Variants in PTPRD observed in about 807,000 individuals in gnomAD.
The protein encoded by PTPRD is protein tyrosine phosphatase receptor type D.
Under a neutral mutation model 214.5 loss-of-function variants are expected in PTPRD, and 34 were observed. That is an observed-to-expected ratio of 0.16 (90% CI 0.12 to 0.21). The LOEUF is 0.21. PTPRD is among the 10% of genes least tolerant of loss of function. PTPRD has a pLI of 1.00. For synonymous variants in PTPRD, 1,128 were observed against 845.7 expected (o/e 1.33, Z -5.79); for missense variants, 2,545 against 2,398.7 (o/e 1.06, Z -1.27).
chr9:9,249,421 A>C (rs1262970561), intron 9 of PTPRD, among the ~76,000 whole-genome samples: 2 of 152,072 alleles, frequency 1.3e-5, no homozygotes, highest in Non-Finnish European at 2.9e-5. Flanking sequence ...GAACACAGCA[A>C]GATTGTTCTT....
chr9:9,898,221 A>C (rs1237782312), intron 5 of PTPRD, among the ~76,000 whole-genome samples: 1 of 152,134 alleles, frequency 6.6e-6, no homozygotes, highest in Non-Finnish European at 1.5e-5. Flanking sequence ...ATAGAGGTCT[A>C]TATCAATGCG....
chr9:10,368,704 G>C (rs1296169986), intron 2 of PTPRD, among the ~76,000 whole-genome samples: 1 of 152,012 alleles, frequency 6.6e-6, no homozygotes, highest in Non-Finnish European at 1.5e-5. Flanking sequence ...TTATGATCAA[G>C]TCTAGCATAA....
chr9:9,831,485 T>C (rs1436742870), intron 5 of PTPRD, among the ~76,000 whole-genome samples: 2 of 151,956 alleles, frequency 1.3e-5, no homozygotes, highest in Non-Finnish European at 2.9e-5. Context: ...AAGTTTCTGC[T>C]CTCCCTTAAC....
intron 2 of PTPRD, among the ~76,000 whole-genome samples, chr9:10,407,178 G>C (rs944408119): frequency 1.3e-5 from 2 of 151,550 alleles, no homozygotes; most frequent in Admixed American, 6.6e-5. Context: ...GAAAGAGTCT[G>C]AAGGTTTAAT....
intron 12 of PTPRD, among the ~76,000 whole-genome samples, chr9:8,704,711 G>A (rs1297052814): frequency 2.0e-5 from 3 of 151,430 alleles, no homozygotes; most frequent in Admixed American, 6.6e-5. Context: ...AGCGGATCAC[G>A]AGGTCAGGAG....
At chr9:9,064,007 T>A (rs749822229) in intron 10 of PTPRD, among the ~76,000 whole-genome samples, 8 of 152,204 alleles carry the variant, frequency 5.3e-5, no homozygotes, top group Non-Finnish European at 1.0e-4. Flanking sequence ...TTTTAATATA[T>A]ACTCAAGTTA....
At chr9:9,361,688 T>C (rs925657361) in intron 9 of PTPRD, among the ~76,000 whole-genome samples, 3 of 151,122 alleles carry the variant, frequency 2.0e-5, no homozygotes. Context: ...GAAAACACAA[T>C]ATATTATTAT....
At chr9:8,934,478 A>AAATAT (rs2098979944) in intron 11 of PTPRD, among the ~76,000 whole-genome samples, 2 of 8,472 alleles carry the variant, frequency 2.4e-4, no homozygotes, top group Non-Finnish European at 4.5e-4. Context: ...TATATATATA[A>AAATAT]ATATATATAT....
intron 3 of PTPRD, among the ~76,000 whole-genome samples, chr9:10,188,302 G>A (rs551909587): frequency 6.6e-6 from 1 of 152,098 alleles, no homozygotes; most frequent in South Asian, 2.1e-4. Context: ...GCATGGTAAT[G>A]GCATGCCTTA....
intron 11 of PTPRD, among the ~76,000 whole-genome samples, chr9:8,760,292 C>G (rs771904843): frequency 1.4e-4 from 21 of 152,146 alleles, no homozygotes; most frequent in Non-Finnish European, 2.5e-4. Context: ...TTTCAATCAT[C>G]AGCTTTTTTC....
rs377722724 is a variant in PTPRD, at chr9:9,593,117, G to GAAGGA, written c.-286-18341_-286-18337dup. Among the ~76,000 whole-genome samples, 37 of 144,570 alleles carry GAAGGA rather than the reference G, an allele frequency of 2.6e-4. 1 individual carries two copies. Among genetic ancestry groups the GAAGGA allele is most frequent in the African/African-American group, 5.4e-4 (21 of 39,120 alleles). The allele number at this position is 144,570 out of a possible 152,430, so 94.8% of individuals were successfully genotyped here. ...GAAAGACAGAGAGAGAGAAAGGAAGGAAGGAAAGGAAAGGAAAGGAAAGGG... is the reference window on the plus strand; with the variant it reads ...GAAAGACAGAGAGAGAGAAAGGAAGGAAGGAAAGGAAAGGAAAGGAAAGGAAAGGG... On this transcript the variant is annotated intron_variant, in intron 7 of 45. Coordinates refer to ENST00000381196, the MANE Select transcript of PTPRD (RefSeq NM_002839.4).
intron 9 of PTPRD, among the ~76,000 whole-genome samples, chr9:9,313,355 G>C (rs919637284): frequency 2.0e-5 from 3 of 152,124 alleles, no homozygotes; most frequent in Non-Finnish European, 2.9e-5. Context: ...AACTTTATTA[G>C]TTTGTGGTAC....
intron 8 of PTPRD, among the ~76,000 whole-genome samples, chr9:9,542,282 T>C (rs1244924409): frequency 1.3e-5 from 2 of 151,654 alleles, no homozygotes; most frequent in African/African-American, 2.4e-5. Context: ...ACAGGTATCT[T>C]AAAAAATAAA....
chr9:9,092,850 T>C (rs2154433068), intron 10 of PTPRD, among the ~76,000 whole-genome samples: 1 of 152,204 alleles, frequency 6.6e-6, no homozygotes, highest in East Asian at 1.9e-4. Context: ...TTTCATCATG[T>C]GTAAATGTTC....
intron 3 of PTPRD, among the ~76,000 whole-genome samples, chr9:10,048,931 T>C (rs1253721711): frequency 1.3e-5 from 2 of 152,038 alleles, no homozygotes; most frequent in Non-Finnish European, 2.9e-5. Context: ...TACGCAGGAT[T>C]AGGATGCCTG....
At chr9:9,335,737 A>G (rs937447955) in intron 9 of PTPRD, among the ~76,000 whole-genome samples, 7 of 152,108 alleles carry the variant, frequency 4.6e-5, no homozygotes, top group African/African-American at 1.7e-4. Context: ...AATGAATTAT[A>G]CCTTGGAGAA....
chr9:8,516,577 CA>C (rs2097784339), intron 21 of PTPRD, among the ~76,000 whole-genome samples: 1 of 152,032 alleles, frequency 6.6e-6, no homozygotes, highest in Non-Finnish European at 1.5e-5. Context: ...ATGATAGGTA[CA>C]TTATCTAGTA....
intron 12 of PTPRD, among the ~76,000 whole-genome samples, chr9:8,683,438 A>G (rs1273639561): frequency 6.6e-6 from 1 of 152,068 alleles, no homozygotes; most frequent in African/African-American, 2.4e-5. Context: ...AAAGGAAATT[A>G]CAGAGGACAT....
At chr9:9,048,134 C>T (rs2099676835) in intron 10 of PTPRD, among the ~76,000 whole-genome samples, 1 of 152,026 alleles carries the variant, frequency 6.6e-6, no homozygotes, top group South Asian at 2.1e-4. Flanking sequence ...GGGCTGATAT[C>T]CAAAAGACAG....
Sources: gnomAD v4.1 joint callset for allele counts (sites outside exome capture counted in the v4.1 genomes callset) on GRCh38, gnomAD v4.1.1 for gene constraint, MANE v1.5 for transcripts, NCBI Gene and HGNC (gene_info 2026-07-23, HGNC 2026-07-21) for gene names.